RALGAPA1: variants seen among roughly 807,000 people sequenced by gnomAD.
RALGAPA1 encodes ral GTPase-activating protein subunit alpha-1.
RALGAPA1 carries 52 observed loss-of-function variants against 269.6 expected under a neutral mutation model. The observed-to-expected ratio is 0.19, with a 90% CI of 0.15 to 0.24. The LOEUF (loss-of-function observed/expected upper bound fraction) is 0.24, where lower values mean the gene tolerates loss of function less well. Ranked by LOEUF, RALGAPA1 falls within the 10% of genes least tolerant of loss-of-function variation. The pLI, the probability that RALGAPA1 is intolerant of heterozygous loss-of-function variation, is 1.00. For synonymous variants in RALGAPA1, 817 were observed against 1,008.3 expected (o/e 0.81, Z 3.60); for missense variants, 1,917 against 3,013.9 (o/e 0.64, Z 8.52).
intron 16 of RALGAPA1, among the ~76,000 whole-genome samples, chr14:35,709,191 T>C (rs1032557801): frequency 3.9e-5 from 6 of 152,132 alleles, no homozygotes; most frequent in African/African-American, 1.4e-4. Context: ...AAAAAATAAT[T>C]TAATTGTGAA....
Position 35,742,477 on chromosome 14 carries a change from A to C in RALGAPA1, c.1340T>G (p.Leu447Trp). ...AATTTCTTCAGGCTCTTGCATGAAC[A>C]AAGGTTTTTCCTCTTGTTGGATCCA... ...QEWIQQEEKP[L>W]FMQEPEEIVI... is the part of the protein sequence containing the mutation. The change falls in exon 11 of 42, where the codon TTG becomes TGG. Residue 447 changes from leucine (L) to tryptophan (W), a missense_variant. Transcript: ENST00000680220. 6.2e-7 allele frequency: 1 copy of C among 1,603,128 alleles called. No individual in the cohort carries two copies. Among genetic ancestry groups the C allele is most frequent in the Non-Finnish European group, 8.5e-7 (1 of 1,170,506 alleles).
intron 37 of RALGAPA1, among the ~76,000 whole-genome samples, chr14:35,581,323 G>T (rs1050818412): frequency 6.6e-6 from 1 of 152,038 alleles, no homozygotes; most frequent in Non-Finnish European, 1.5e-5. Flanking sequence ...AGTATATAGA[G>T]AAATCAATGT....
intron 39 of RALGAPA1, among the ~76,000 whole-genome samples, chr14:35,562,587 T>A (rs1212586674): frequency 6.6e-6 from 1 of 152,182 alleles, no homozygotes; most frequent in Non-Finnish European, 1.5e-5. Context: ...CCTGGCTTAT[T>A]GATGTATCAG....
chr14:35,735,376 G>C (rs1024625539), intron 12 of RALGAPA1, among the ~76,000 whole-genome samples: 5 of 152,208 alleles, frequency 3.3e-5, no homozygotes, highest in African/African-American at 1.2e-4. Flanking sequence ...ATACTATTCA[G>C]CCATAAAAAG....
chr14:35,768,566 A>C (rs895130808), intron 4 of RALGAPA1, among the ~76,000 whole-genome samples: 3 of 152,126 alleles, frequency 2.0e-5, no homozygotes, highest in African/African-American at 7.2e-5. Context: ...CTGGTGGTGT[A>C]CACCTGTGGT....
intron 17 of RALGAPA1, among the ~76,000 whole-genome samples, chr14:35,691,085 T>TG (rs1177306531): frequency 6.7e-6 from 1 of 149,326 alleles, no homozygotes. Context: ...ATAATAATAA[T>TG]AATAATTATT....
At chr14:35,606,880 A>C (rs966824081) in intron 35 of RALGAPA1, among the ~76,000 whole-genome samples, 4 of 152,170 alleles carry the variant, frequency 2.6e-5, no homozygotes, top group Admixed American at 2.6e-4. Flanking sequence ...AGTGGGTTGA[A>C]TATCAGCAAG....
intron 17 of RALGAPA1, 121 bp from the exon 18 acceptor site, chr14:35,690,124 G>GA (rs377666280): frequency 6.6e-4 from 442 of 667,556 alleles, no homozygotes; most frequent in South Asian, 1.2e-3. Flanking sequence ...TAAGCTCAAT[G>GA]AAAAAAAAAT....
At chr14:35,665,250 T>TGC (rs2063835225) in intron 26 of RALGAPA1, among the ~76,000 whole-genome samples, 1 of 152,188 alleles carries the variant, frequency 6.6e-6, no homozygotes, top group African/African-American at 2.4e-5. Flanking sequence ...AAGCATTGCC[T>TGC]ATACCACTTA....
intron 35 of RALGAPA1, among the ~76,000 whole-genome samples, chr14:35,610,136 C>T (rs2059838657): frequency 6.6e-6 from 1 of 151,380 alleles, no homozygotes; most frequent in Non-Finnish European, 1.5e-5. Context: ...AAAAAAGACT[C>T]AAAATGACTA....
intron 22 of RALGAPA1, 44 bp downstream of exon 22, chr14:35,677,906 C>A: frequency 6.4e-7 from 1 of 1,564,102 alleles, no homozygotes; most frequent in Non-Finnish European, 8.8e-7. Flanking sequence ...CTGACACTGA[C>A]GCCCTAAAAG....
chr14:35,709,868 A>G (rs1176484121), intron 16 of RALGAPA1, among the ~76,000 whole-genome samples: 2 of 152,158 alleles, frequency 1.3e-5, no homozygotes, highest in Non-Finnish European at 2.9e-5. Context: ...CCATCGATTT[A>G]TAGTTAAATC....
intron 26 of RALGAPA1, among the ~76,000 whole-genome samples, chr14:35,667,321 C>T (rs572469826): frequency 2.2e-4 from 34 of 152,204 alleles, no homozygotes; most frequent in African/African-American, 7.7e-4. Context: ...TCGCTTGAAC[C>T]CGGGAGGCGG....
At chr14:35,698,411 T>C (rs1374709836) in intron 17 of RALGAPA1, among the ~76,000 whole-genome samples, 1 of 152,162 alleles carries the variant, frequency 6.6e-6, no homozygotes, top group Non-Finnish European at 1.5e-5. Context: ...TGCCAATATA[T>C]TAAGTTGCAG....
intron 16 of RALGAPA1, among the ~76,000 whole-genome samples, chr14:35,709,381 AAG>A (rs1279728236): frequency 6.6e-6 from 1 of 152,100 alleles, no homozygotes; most frequent in African/African-American, 2.4e-5. Context: ...TTAAAAATAA[AAG>A]AAATAATAAA....
At chr14:35,751,988 A>C in intron 8 of RALGAPA1, 36 bp downstream of exon 8, 1 of 1,558,726 alleles carries the variant, frequency 6.4e-7, no homozygotes, top group Non-Finnish European at 8.6e-7. Context: ...TTTACTCTTA[A>C]GTGTGATCTT....
At chr14:35,700,350 A>G in intron 16 of RALGAPA1, 48 bp from the exon 17 acceptor site, 1 of 1,433,866 alleles carries the variant, frequency 7.0e-7, no homozygotes, top group Non-Finnish European at 9.2e-7. Flanking sequence ...AAGAAGAGTG[A>G]CTATAATGAA....
intron 37 of RALGAPA1, among the ~76,000 whole-genome samples, chr14:35,586,506 G>C (rs185862014): frequency 8.5e-5 from 13 of 152,282 alleles, no homozygotes; most frequent in Admixed American, 7.8e-4. Context: ...AGTGGTGAGA[G>C]AGGGCATCCT....
At chr14:35,568,874 C>T (rs551033840) in intron 39 of RALGAPA1, among the ~76,000 whole-genome samples, 5 of 152,288 alleles carry the variant, frequency 3.3e-5, no homozygotes, top group East Asian at 1.9e-4. Context: ...ACTTGCCTAC[C>T]GAAATTTCTT....
Sources: allele counts gnomAD v4.1 joint callset (sites outside exome capture counted in the v4.1 genomes callset), GRCh38; gene constraint gnomAD v4.1.1; transcripts MANE v1.5; gene names NCBI Gene and HGNC (gene_info 2026-07-23, HGNC 2026-07-21).